Variants in DMD observed in about 807,000 individuals in gnomAD.
DMD encodes dystrophin, also known as mutant dystrophin.
In DMD, 63 loss-of-function variants were observed where a neutral mutation model predicts 330.1. That is an observed-to-expected ratio of 0.19 (90% CI 0.16 to 0.24). The LOEUF (loss-of-function observed/expected upper bound fraction) is 0.24, where lower values mean the gene tolerates loss of function less well. Ranked by LOEUF, DMD falls within the 10% of genes least tolerant of loss-of-function variation. DMD has a pLI of 1.00. For synonymous variants in DMD, 1,223 were observed against 959.8 expected, an observed-to-expected ratio of 1.27 and a Z score of -5.07; for missense variants, 3,344 against 2,684.1, an observed-to-expected ratio of 1.25 and a Z score of -5.43.
At chrX:32,024,863 C>A (rs1217144377) in intron 44 of DMD, among the ~76,000 whole-genome samples, 2 of 111,885 alleles carry the variant, frequency 1.8e-5, no homozygotes, top group Non-Finnish European at 3.8e-5. Context: ...GAAATTAAGT[C>A]TCTGAAAAGC....
At chrX:31,175,953 GA>G (rs1161655252) in intron 71 of DMD, among the ~76,000 whole-genome samples, 3 of 110,899 alleles carry the variant, frequency 2.7e-5, no homozygotes, top group African/African-American at 9.8e-5. Flanking sequence ...TTAGTCTAAG[GA>G]AAACCAAACG....
At chrX:31,990,321 C>A (rs7889262) in intron 44 of DMD, among the ~76,000 whole-genome samples, 9 of 111,167 alleles carry the variant, frequency 8.1e-5, no homozygotes, top group Non-Finnish European at 3.8e-5. Flanking sequence ...CCTGGAGTAA[C>A]CTTTAAGGCA....
At chrX:33,297,067 C>T (rs946333695) in intron 1 of DMD, among the ~76,000 whole-genome samples, 1 of 110,945 alleles carries the variant, frequency 9.0e-6, no homozygotes, top group Non-Finnish European at 1.9e-5. Context: ...TACACTAATA[C>T]CTACTTATCA....
intron 44 of DMD, among the ~76,000 whole-genome samples, chrX:32,035,900 T>C (rs888888513): frequency 3.6e-5 from 4 of 111,632 alleles, no homozygotes; most frequent in African/African-American, 9.8e-5. Flanking sequence ...ACCTTTTTCC[T>C]TGCGTAAGCT....
At position 31,833,272 on chromosome X, in the gene DMD, G is replaced by A. The variant is rs192659676; in HGVS notation, c.7200+3446C>T. On this transcript the variant is annotated intron_variant, in intron 49 of 78. Transcript: ENST00000357033. ...TATGTGTGTAGATGGGGGAGGAAGG[G>A]GGAGAGAGAGAGAGAGAGAGGGAGA... 4.7e-3 allele frequency among the ~76,000 whole-genome samples: 259 copies of A among 54,613 alleles called. 7 individuals carry two copies. The East Asian group carries it at 0.17, about 35-fold the overall frequency. 47.4% of individuals were successfully genotyped at this position (54,613 alleles called of 115,157 possible).
chrX:31,644,379 C>A (rs1263584510), intron 54 of DMD, among the ~76,000 whole-genome samples: 2 of 111,792 alleles, frequency 1.8e-5, no homozygotes, highest in African/African-American at 6.5e-5. Flanking sequence ...AGACTGATAG[C>A]AAATACAAGA....
At chrX:32,511,556 A>AAGAAG in intron 18 of DMD, among the ~76,000 whole-genome samples, 1 of 107,825 alleles carries the variant, frequency 9.3e-6, no homozygotes, top group Admixed American at 1.0e-4. Context: ...AAGAAAAGAA[A>AAGAAG]GTCATTAATT....
Position 32,131,993 on chromosome X carries a change from A to G in DMD, c.6438+84923T>C, listed in dbSNP as rs2096697848. ...GATCAATGGAGATGATGGCTATAAA[A>G]GCACATTTTAAATGCCAGAGGGATA... On this transcript the variant is annotated intron_variant, in intron 44 of 78. Coordinates refer to ENST00000357033, the MANE Select transcript of DMD (RefSeq NM_004006.3). Among the ~76,000 whole-genome samples the G allele has an allele frequency of 2.7e-5, 3 of 112,001 alleles. No individual in the cohort carries two copies. The South Asian group carries it at 1.1e-3, about 42-fold the overall frequency.
chrX:31,579,059 T>G (rs1569552419), intron 55 of DMD, among the ~76,000 whole-genome samples: 1 of 111,897 alleles, frequency 8.9e-6, no homozygotes. Context: ...CCAGCTTACC[T>G]GATATCATGA....
chrX:32,271,720 A>G (rs2097365725), intron 43 of DMD, among the ~76,000 whole-genome samples: 1 of 112,298 alleles, frequency 8.9e-6, no homozygotes, highest in Admixed American at 9.5e-5. Flanking sequence ...TCTATGAGAG[A>G]CTGTTCATGT....
chrX:32,277,266 G>GTA (rs982628030), intron 43 of DMD, among the ~76,000 whole-genome samples: 19 of 111,155 alleles, frequency 1.7e-4, no homozygotes, highest in Non-Finnish European at 3.4e-4. Context: ...CAACACTGGA[G>GTA]TATATATATA....
chrX:31,223,186 A>G, intron 63 of DMD, 65 bp from the exon 64 acceptor site: 2 of 1,000,836 alleles, frequency 2.0e-6, no homozygotes, highest in South Asian at 3.8e-5. Context: ...CCCACCCCCG[A>G]CGCCCAGTGA....
chrX:31,772,265 A>C (rs1054586275), intron 51 of DMD, among the ~76,000 whole-genome samples: 3 of 112,067 alleles, frequency 2.7e-5, no homozygotes, highest in African/African-American at 9.7e-5. Flanking sequence ...AGATAGTACA[A>C]CTATCCCCAT....
intron 11 of DMD, among the ~76,000 whole-genome samples, chrX:32,634,409 T>C (rs1324807928): frequency 8.9e-6 from 1 of 111,968 alleles, no homozygotes; most frequent in African/African-American, 3.2e-5. Context: ...AAGGATTCTC[T>C]CCCTGTAGCC....
chrX:33,032,183 G>C (rs76546376), intron 1 of DMD, among the ~76,000 whole-genome samples: 1 of 111,680 alleles, frequency 9.0e-6, no homozygotes, highest in Non-Finnish European at 1.9e-5. Context: ...TGTCAATTCT[G>C]AGCTAGGGGC....
intron 44 of DMD, among the ~76,000 whole-genome samples, chrX:32,098,569 A>G (rs1478243243): frequency 2.7e-5 from 3 of 111,855 alleles, no homozygotes; most frequent in Non-Finnish European, 5.6e-5. Flanking sequence ...TAGATATTTC[A>G]TTCTCTCTTT....
At chrX:33,111,455 C>G (rs2095338663) in intron 1 of DMD, among the ~76,000 whole-genome samples, 1 of 112,011 alleles carries the variant, frequency 8.9e-6, no homozygotes, top group Non-Finnish European at 1.9e-5. Context: ...TCATATAAAC[C>G]AATAATCTGT....
intron 7 of DMD, among the ~76,000 whole-genome samples, chrX:32,745,664 C>A (rs1291241853): frequency 1.8e-5 from 2 of 112,014 alleles, no homozygotes; most frequent in Non-Finnish European, 3.8e-5. Context: ...ACTGGTGTTT[C>A]TATTATTGGT....
chrX:32,004,810 G>C (rs1421124035), intron 44 of DMD, among the ~76,000 whole-genome samples: 2 of 111,216 alleles, frequency 1.8e-5, no homozygotes, highest in African/African-American at 3.3e-5. Context: ...ACAGTACCTT[G>C]ACCTTGTATT....
Sources: gnomAD v4.1 joint callset for allele counts (sites outside exome capture counted in the v4.1 genomes callset) on GRCh38, gnomAD v4.1.1 for gene constraint, MANE v1.5 for transcripts, NCBI Gene and HGNC (gene_info 2026-07-23, HGNC 2026-07-21) for gene names.